The following STAG1 variants were observed in gnomAD, a reference collection of about 807,000 sequenced individuals.
STAG1 encodes the protein cohesin subunit SA-1.
In STAG1, 26 loss-of-function variants were observed where a neutral mutation model predicts 170.9. The ratio of observed to expected loss-of-function variants is 0.15; its 90% CI spans 0.11 to 0.21. The LOEUF (loss-of-function observed/expected upper bound fraction) is 0.21. Ranked by LOEUF, STAG1 falls within the 10% of genes least tolerant of loss-of-function variation. The pLI, the probability that STAG1 is intolerant of heterozygous loss-of-function variation, is 1.00. For synonymous variants in STAG1, 514 were observed against 497.7 expected (o/e 1.03, Z -0.44); for missense variants, 964 against 1,509.5 (o/e 0.64, Z 5.99).
Position 136,715,003 on chromosome 3 carries a change from A to AATAT in STAG1, c.-84+37188_-84+37191dup, listed in dbSNP as rs1287298790. Among the ~76,000 whole-genome samples the AATAT allele has an allele frequency of 4.4e-4, 49 of 111,810 alleles. 1 individual carries two copies. Among genetic ancestry groups the AATAT allele is most frequent in the African/African-American group, 1.4e-3 (47 of 34,264 alleles). 73.4% of individuals were successfully genotyped at this position (111,810 alleles called of 152,430 possible). On this transcript the variant is annotated intron_variant, in intron 1 of 33. Transcript: ENST00000383202. ...TTTTATATATATATTTTATATATAT[A>AATAT]ATATATATATAAAATATATATATAA...
intron 1 of STAG1, among the ~76,000 whole-genome samples, chr3:136,663,651 A>T (rs914810071): frequency 6.6e-6 from 1 of 152,250 alleles, no homozygotes; most frequent in African/African-American, 2.4e-5. Context: ...ACACTAACTT[A>T]GGACTGTTAA....
intron 21 of STAG1, among the ~76,000 whole-genome samples, chr3:136,410,099 CAA>C (rs1158608411): frequency 7.4e-6 from 1 of 135,822 alleles, no homozygotes; most frequent in Non-Finnish European, 1.6e-5. Flanking sequence ...AAGATAAATA[CAA>C]AAAATAAGAG....
intron 7 of STAG1, among the ~76,000 whole-genome samples, chr3:136,514,308 A>T (rs1934234671): frequency 6.6e-6 from 1 of 152,226 alleles, no homozygotes; most frequent in Admixed American, 6.5e-5. Flanking sequence ...GACACATGAA[A>T]AAATGCTCAT....
chr3:136,646,096 TCA>T (rs1941001117), intron 1 of STAG1, among the ~76,000 whole-genome samples: 1 of 152,176 alleles, frequency 6.6e-6, no homozygotes, highest in South Asian at 2.1e-4. Flanking sequence ...CTCCTCAGTT[TCA>T]TACACACAGT....
intron 16 of STAG1, among the ~76,000 whole-genome samples, chr3:136,432,254 G>C (rs1435418684): frequency 6.6e-6 from 1 of 151,908 alleles, no homozygotes; most frequent in African/African-American, 2.4e-5. Flanking sequence ...TTCCATTTGG[G>C]TTTTCATTAT....
intron 6 of STAG1, among the ~76,000 whole-genome samples, chr3:136,526,805 T>C (rs902841604): frequency 7.9e-5 from 12 of 152,162 alleles, no homozygotes; most frequent in Non-Finnish European, 1.3e-4. Flanking sequence ...CAAAATCTCT[T>C]AGCATTTGTT....
intron 3 of STAG1, among the ~76,000 whole-genome samples, chr3:136,608,396 T>C (rs187648965): frequency 6.2e-4 from 91 of 146,582 alleles, no homozygotes; most frequent in African/African-American, 2.1e-3. Flanking sequence ...GCTAGGGTAG[T>C]AATGTGTGCC....
chr3:136,584,244 CA>C (rs1268848414), intron 4 of STAG1, among the ~76,000 whole-genome samples: 1 of 152,194 alleles, frequency 6.6e-6, no homozygotes, highest in Non-Finnish European at 1.5e-5. Context: ...CTGGACTGGA[CA>C]CAATAAACTA....
intron 7 of STAG1, among the ~76,000 whole-genome samples, chr3:136,512,588 T>C (rs1395826038): frequency 1.3e-5 from 2 of 152,290 alleles, no homozygotes; most frequent in East Asian, 3.9e-4. Context: ...TATGTTTGGT[T>C]TGTGTGAGTG....
chr3:136,603,360 T>C lies in STAG1; in HGVS notation c.297+949A>G, dbSNP rs536722473. Among the ~76,000 whole-genome samples, 3 of 152,288 alleles carry C rather than the reference T, an allele frequency of 2.0e-5. No individual in the cohort carries two copies. The East Asian group carries it at 5.8e-4, about 29-fold the overall frequency. On this transcript the variant is annotated intron_variant, in intron 4 of 33. Coordinates refer to ENST00000383202, the MANE Select transcript of STAG1 (RefSeq NM_005862.3). ...ATTTATGGGAGAGAAATACAGTATT[T>C]ATATATTTCACAATTTAAAAATATC... is the stretch of plus-strand genomic sequence containing the variant.
chr3:136,565,011 A>AGGC (rs1553746574), intron 5 of STAG1, among the ~76,000 whole-genome samples: 2 of 45,450 alleles, frequency 4.4e-5, no homozygotes, highest in Non-Finnish European at 8.9e-5. Context: ...GGAAGGAAGG[A>AGGC]AGGCAGGCAG....
intron 3 of STAG1, among the ~76,000 whole-genome samples, chr3:136,613,293 AAC>A (rs112004144): frequency 4.8e-5 from 6 of 125,356 alleles, no homozygotes; most frequent in African/African-American, 1.5e-4. Flanking sequence ...CAACAAAGTG[AAC>A]AGAGTGAGAC....
intron 5 of STAG1, among the ~76,000 whole-genome samples, chr3:136,563,554 T>G (rs920084971): frequency 6.6e-6 from 1 of 151,152 alleles, no homozygotes; most frequent in Non-Finnish European, 1.5e-5. Flanking sequence ...TCTCTCTCTC[T>G]CGCTCTTTAG....
Position 136,490,366 on chromosome 3 carries a change from T to C in STAG1, c.902+9857A>G, listed in dbSNP as rs566605939. On this transcript the variant is annotated intron_variant, in intron 9 of 33. Coordinates refer to ENST00000383202, the MANE Select transcript of STAG1 (RefSeq NM_005862.3). ...TTAGATGTATTGAAAATGTGGCAAG[T>C]TTATAAAACTATTTTTCATCTCATT... Among the ~76,000 whole-genome samples, 11 of 152,256 alleles carry C rather than the reference T, an allele frequency of 7.2e-5. No individual in the cohort carries two copies. In the East Asian group the frequency reaches 1.9e-3, roughly 27 times the overall value.
At chr3:136,475,725 G>T (rs1343038667) in intron 10 of STAG1, among the ~76,000 whole-genome samples, 4 of 152,136 alleles carry the variant, frequency 2.6e-5, no homozygotes, top group African/African-American at 9.7e-5. Flanking sequence ...GCATTAACTT[G>T]TACAACATTT....
At chr3:136,677,935 TTATA>T (rs1265003701) in intron 1 of STAG1, among the ~76,000 whole-genome samples, 1 of 147,356 alleles carries the variant, frequency 6.8e-6, no homozygotes, top group Non-Finnish European at 1.5e-5. Context: ...TTGATATATA[TTATA>T]TATTATATTT....
chr3:136,490,656 TATTAAGAAGAAG>T lies in STAG1; in HGVS notation c.902+9555_902+9566del, dbSNP rs545759965. The stretch of plus-strand genomic sequence containing the variant: ...CCCCCACATTAGATCAAAGATGAAA[TATTAAGAAGAAG>T]ATTAAAATAATGGAATAATAGTTTG... On this transcript the variant is annotated intron_variant, in intron 9 of 33. Transcript: ENST00000383202. Among the ~76,000 whole-genome samples the T allele has an allele frequency of 5.9e-5, 9 of 152,316 alleles. No individual in the cohort carries two copies. The South Asian group carries it at 1.9e-3, about 32-fold the overall frequency.
At chr3:136,424,673 A>T (rs2088062060) in intron 16 of STAG1, among the ~76,000 whole-genome samples, 2 of 152,074 alleles carry the variant, frequency 1.3e-5, no homozygotes, top group African/African-American at 4.8e-5. Context: ...ACATGAACTC[A>T]TCTAGTCCTC....
chr3:136,609,667 A>G (rs1328985907), intron 3 of STAG1: 1 of 167,792 alleles, frequency 6.0e-6, no homozygotes, highest in Non-Finnish European at 1.3e-5. Context: ...GAATATTTTT[A>G]TCAACTATTG....
Sources: allele counts gnomAD v4.1 joint callset (sites outside exome capture counted in the v4.1 genomes callset), GRCh38; gene constraint gnomAD v4.1.1; transcripts MANE v1.5; gene names NCBI Gene and HGNC (gene_info 2026-07-23, HGNC 2026-07-21).